Variants in VSTM2L observed in about 807,000 individuals in gnomAD.
VSTM2L encodes V-set and transmembrane domain containing 2 like, also known as V-set and transmembrane domain-containing protein 2-like protein.
A neutral mutation model predicts 19.9 loss-of-function variants in VSTM2L; 9 were observed. The observed-to-expected ratio is 0.45, with a 90% CI of 0.27 to 0.79. VSTM2L has a LOEUF of 0.79. Among genes scored for constraint, VSTM2L ranks in the 30% least tolerant of loss-of-function variants. The probability of loss-of-function intolerance (pLI) is 0.15; values close to 1 mark genes in which losing one functional copy is unlikely to be tolerated. For synonymous variants in VSTM2L, 127 were observed against 133.8 expected, an observed-to-expected ratio of 0.95 and a Z score of 0.35; for missense variants, 286 against 295.5, an observed-to-expected ratio of 0.97 and a Z score of 0.24.
At chr20:37,932,954 T>C (rs2072919050) in intron 2 of VSTM2L, among the ~76,000 whole-genome samples, 2 of 152,240 alleles carry the variant, frequency 1.3e-5, no homozygotes, top group African/African-American at 4.8e-5. Flanking sequence ...TCAAACTTTG[T>C]CTTGCTCCTG....
intron 1 of VSTM2L, among the ~76,000 whole-genome samples, chr20:37,904,211 G>A (rs1478270783): frequency 2.0e-5 from 3 of 152,260 alleles, no homozygotes; most frequent in African/African-American, 4.8e-5. Context: ...CACCGGAGTA[G>A]TTGGGGTTGC....
At chr20:37,922,515 C>T (rs114420496) in intron 1 of VSTM2L, among the ~76,000 whole-genome samples, 163 of 152,198 alleles carry the variant, frequency 1.1e-3, no homozygotes, top group African/African-American at 3.7e-3. Flanking sequence ...TCTCACTGTG[C>T]CTCCCTCTAG....
At chr20:37,926,414 CCTGTAATCCCAGCA>C (rs999061024) in intron 1 of VSTM2L, among the ~76,000 whole-genome samples, 2 of 152,082 alleles carry the variant, frequency 1.3e-5, no homozygotes, top group African/African-American at 4.8e-5. Flanking sequence ...GTGGCTCACA[CCTGTAATCCCAGCA>C]CTGTAATCCC....
In VSTM2L at chr20:37,938,781, C is replaced by A. The variant is rs143130958; in HGVS notation, c.342+5192C>A. Among the ~76,000 whole-genome samples the A allele has an allele frequency of 2.2e-3, 328 of 152,322 alleles. 2 individuals are homozygous for A. In the East Asian group the frequency reaches 0.026, roughly 12 times the overall value. ...TCCCTTTCTTCGTGGGCTCTCCAGT[C>A]GCCCTGGAGGGCTGGGCTGAAGGGC... On this transcript the variant is annotated intron_variant, in intron 3 of 3. Transcript: ENST00000373461.
In VSTM2L at chr20:37,944,795, A is replaced by T. The variant is rs899960111; in HGVS notation, c.*542A>T. 1.0e-6 allele frequency: 1 copy of T among 985,892 alleles called. No individual in the cohort carries two copies. Among genetic ancestry groups the T allele is most frequent in the African/African-American group, 1.8e-5 (1 of 57,134 alleles). 61.1% of individuals were successfully genotyped at this position (985,892 alleles called of 1,614,324 possible). ...TCTGGGGCAGTGGCTCTGCAGGGTC[A>T]CTCATGGAGGCCTAGGGGAACAGCG... is the stretch of plus-strand genomic sequence containing the variant. On this transcript the variant is annotated 3_prime_UTR_variant, in exon 4 of 4. Coordinates refer to ENST00000373461, the MANE Select transcript of VSTM2L (RefSeq NM_080607.3).
chr20:37,905,388 C>G (rs1053181461), intron 1 of VSTM2L, among the ~76,000 whole-genome samples: 13 of 152,104 alleles, frequency 8.5e-5, no homozygotes, highest in Admixed American at 7.2e-4. Context: ...TGGCTCCCCC[C>G]CATAGAAAAG....
chr20:37,911,867 C>T (rs2072781717), intron 1 of VSTM2L, among the ~76,000 whole-genome samples: 1 of 151,610 alleles, frequency 6.6e-6, no homozygotes. Context: ...ATCTTTTGTC[C>T]TGCAGCCAGC....
intron 1 of VSTM2L, 104 bp from the exon 2 acceptor site, chr20:37,931,531 C>T (rs2072908768): frequency 4.4e-6 from 4 of 915,504 alleles, no homozygotes; most frequent in South Asian, 3.0e-5. Flanking sequence ...CTCCACCCAT[C>T]CCCCGCCGTG....
At chr20:37,914,385 T>TGTATGTGGTGTGTATATGTGGGGGGA (rs2072801014) in intron 1 of VSTM2L, among the ~76,000 whole-genome samples, 1 of 150,450 alleles carries the variant, frequency 6.6e-6, no homozygotes, top group Non-Finnish European at 1.5e-5. Flanking sequence ...TGGGTGTATG[T>TGTATGTGGTGTGTATATGTGGGGGGA]GTGGGTGTGT....
At chr20:37,941,127 C>T (rs747916859) in intron 3 of VSTM2L, among the ~76,000 whole-genome samples, 14 of 152,308 alleles carry the variant, frequency 9.2e-5, no homozygotes, top group Middle Eastern at 3.4e-3. Flanking sequence ...TGATTATTTA[C>T]GGAGTGCTGG....
chr20:37,912,381 C>A (rs1044926652), intron 1 of VSTM2L, among the ~76,000 whole-genome samples: 1 of 152,374 alleles, frequency 6.6e-6, no homozygotes, highest in South Asian at 2.1e-4. Flanking sequence ...AAAGTCTAGG[C>A]TCTGCGTCTG....
chr20:37,906,084 G>A (rs899207192), intron 1 of VSTM2L, among the ~76,000 whole-genome samples: 8 of 151,808 alleles, frequency 5.3e-5, no homozygotes, highest in African/African-American at 1.9e-4. Context: ...GGGGCTCCTG[G>A]GGAGGGGCAC....
At chr20:37,928,474 G>A (rs1356132452) in intron 1 of VSTM2L, among the ~76,000 whole-genome samples, 1 of 152,248 alleles carries the variant, frequency 6.6e-6, no homozygotes, top group Non-Finnish European at 1.5e-5. Flanking sequence ...TATTGGCTGG[G>A]CGTGGTGGCT....
chr20:37,924,307 C>T (rs978606731), intron 1 of VSTM2L, among the ~76,000 whole-genome samples: 2 of 151,924 alleles, frequency 1.3e-5, no homozygotes, highest in African/African-American at 2.4e-5. Flanking sequence ...AATCCCAGCA[C>T]TTTGGGAGGC....
Position 37,903,298 on chromosome 20 carries a change from G to A in VSTM2L, c.-53G>A. 1.5e-6 allele frequency: 2 copies of A among 1,351,736 alleles called. No individual in the cohort carries two copies. Among genetic ancestry groups the A allele is most frequent in the Non-Finnish European group, 1.9e-6 (2 of 1,057,772 alleles). The allele number at this position is 1,351,736 out of a possible 1,614,324, so 83.7% of individuals were successfully genotyped here. ...AGGGGACAGCTGGCGCCGGTTCTGC[G>A]GTCTCCGGGGCCCAGATGTGAGGCG... On this transcript the variant is annotated 5_prime_UTR_variant, in exon 1 of 4. Transcript: ENST00000373461.
At chr20:37,924,015 T>G (rs1208465299) in intron 1 of VSTM2L, among the ~76,000 whole-genome samples, 2 of 152,114 alleles carry the variant, frequency 1.3e-5, no homozygotes, top group Non-Finnish European at 2.9e-5. Flanking sequence ...GGCAGAAGGA[T>G]TGCTTGAGCC....
intron 1 of VSTM2L, among the ~76,000 whole-genome samples, chr20:37,916,012 C>T (rs2072816475): frequency 6.6e-6 from 1 of 152,218 alleles, no homozygotes; most frequent in Non-Finnish European, 1.5e-5. Flanking sequence ...CTGCTCCTTT[C>T]TGGCGTGCTG....
At chr20:37,936,285 A>T (rs893245587) in intron 3 of VSTM2L, among the ~76,000 whole-genome samples, 39 of 152,014 alleles carry the variant, frequency 2.6e-4, no homozygotes, top group African/African-American at 9.4e-4. Context: ...GGAAACCCAG[A>T]CCCTGTGTCT....
rs111970416 is a variant in VSTM2L at position 37,943,853 on chromosome 20, G to T, written c.343-128G>T. The T allele has an allele frequency of 8.1e-6, 8 of 989,836 alleles. No homozygotes were observed. The Admixed American group carries it at 1.2e-4, about 15-fold the overall frequency. 61.3% of individuals were successfully genotyped at this position (989,836 alleles called of 1,614,324 possible). On this transcript the variant is annotated intron_variant, in intron 3 of 3. Transcript: ENST00000373461. ...TTTAACTCACTCTTGTGCAAACCTCGGTGGGCCCTTGTGGGAGTGTTTCTG... is the reference window on the plus strand; with the variant it reads ...TTTAACTCACTCTTGTGCAAACCTCTGTGGGCCCTTGTGGGAGTGTTTCTG...
Sources: gnomAD v4.1 joint callset for allele counts (sites outside exome capture counted in the v4.1 genomes callset) on GRCh38, gnomAD v4.1.1 for gene constraint, MANE v1.5 for transcripts, NCBI Gene and HGNC (gene_info 2026-07-23, HGNC 2026-07-21) for gene names.